Variants in MSRB3 observed in about 807,000 individuals in gnomAD.
MSRB3 encodes the protein methionine sulfoxide reductase B3.
MSRB3 carries 13 observed loss-of-function variants against 21.0 expected under a neutral mutation model. The observed-to-expected ratio is 0.62, with a 90% CI of 0.40 to 0.98. The LOEUF (loss-of-function observed/expected upper bound fraction) is 0.98, where lower values mean the gene tolerates loss of function less well. Among genes scored for constraint, MSRB3 ranks in the 50% least tolerant of loss-of-function variants. The pLI, the probability that MSRB3 is intolerant of heterozygous loss-of-function variation, is 0.00. For synonymous variants in MSRB3, 87 were observed against 88.6 expected, an observed-to-expected ratio of 0.98 and a Z score of 0.10; for missense variants, 199 against 230.3, an observed-to-expected ratio of 0.86 and a Z score of 0.88.
rs1422217820 is a variant in MSRB3 at position 65,376,149 on chromosome 12, T to TC, written c.292+7124dup. Among the ~76,000 whole-genome samples, 7 of 146,976 alleles carry TC rather than the reference T, an allele frequency of 4.8e-5. No individual in the cohort carries two copies. The East Asian group carries it at 1.4e-3, about 30-fold the overall frequency. On this transcript the variant is annotated intron_variant, in intron 5 of 6. Transcript: ENST00000308259. ...TTTTTTTTTTTTTTGAGACGGAGTC[T>TC]CGCTCTTTCGCCCAGGCCAGAGTGC... is the stretch of plus-strand genomic sequence containing the variant.
chr12:65,331,227 G>A (rs1025417013), intron 4 of MSRB3, among the ~76,000 whole-genome samples: 3 of 152,186 alleles, frequency 2.0e-5, no homozygotes, highest in Non-Finnish European at 4.4e-5. Flanking sequence ...TCAGGACACA[G>A]AATACACAGT....
chr12:65,448,500 A>G (rs559036964), intron 5 of MSRB3, among the ~76,000 whole-genome samples: 3 of 152,336 alleles, frequency 2.0e-5, no homozygotes, highest in Admixed American at 6.5e-5. Context: ...TTAATCTTTC[A>G]TAAGAAGAAA....
intron 5 of MSRB3, among the ~76,000 whole-genome samples, chr12:65,424,571 G>T (rs905972549): frequency 2.6e-5 from 4 of 151,862 alleles, no homozygotes; most frequent in Non-Finnish European, 5.9e-5. Flanking sequence ...TTGACCTTTT[G>T]GTTGTTTAAG....
chr12:65,428,270 AG>A (rs1328711099), intron 5 of MSRB3, among the ~76,000 whole-genome samples: 2 of 152,080 alleles, frequency 1.3e-5, no homozygotes, highest in Non-Finnish European at 2.9e-5. Context: ...CTGGCATCTC[AG>A]GTATACTGAT....
At chr12:65,429,261 A>AGG (rs1385677705) in intron 5 of MSRB3, among the ~76,000 whole-genome samples, 3 of 152,292 alleles carry the variant, frequency 2.0e-5, no homozygotes, top group East Asian at 1.9e-4. Flanking sequence ...TGGTAGGTGG[A>AGG]GGGAGACGCT....
chr12:65,295,977 T>C (rs1485698322), intron 1 of MSRB3, among the ~76,000 whole-genome samples: 4 of 152,190 alleles, frequency 2.6e-5, no homozygotes, highest in Non-Finnish European at 5.9e-5. Flanking sequence ...TTGGCAGTTT[T>C]AGTTGAATTG....
At chr12:65,359,353 G>T (rs1286194230) in intron 4 of MSRB3, among the ~76,000 whole-genome samples, 1 of 151,914 alleles carries the variant, frequency 6.6e-6, no homozygotes, top group African/African-American at 2.4e-5. Flanking sequence ...ATTGTGTCTA[G>T]AACTAGCCCG....
At chr12:65,414,346 G>C (rs7316273) in intron 5 of MSRB3, among the ~76,000 whole-genome samples, 83,686 of 151,902 alleles carry the variant, frequency 0.55, 23,304 homozygotes, top group Non-Finnish European at 0.62. Context: ...TTTCCAGATA[G>C]ACAGTCATGC....
rs536801695 is a variant in MSRB3 at position 65,381,480 on chromosome 12, T to C, written c.292+12454T>C. Among the ~76,000 whole-genome samples, 513 of 152,252 alleles carry C rather than the reference T, an allele frequency of 3.4e-3. 1 individual carries two copies. The highest frequency in any genetic ancestry group is 0.011 in the African/African-American group (473 of 41,570). On this transcript the variant is annotated intron_variant, in intron 5 of 6. Transcript: ENST00000308259. Reference sequence around the variant, plus strand: ...ACATTACTTGGTTGCAGGCTTAAGATTTTTAACATCTTGCTCCAGTATGAA... The same window carrying C: ...ACATTACTTGGTTGCAGGCTTAAGACTTTTAACATCTTGCTCCAGTATGAA...
At chr12:65,416,491 GC>G (rs1400559497) in intron 5 of MSRB3, among the ~76,000 whole-genome samples, 1 of 152,208 alleles carries the variant, frequency 6.6e-6, no homozygotes, top group African/African-American at 2.4e-5. Context: ...ACATTGGAGA[GC>G]ATATACAAAC....
chr12:65,450,530 G>A (rs1882810801), intron 5 of MSRB3, among the ~76,000 whole-genome samples: 1 of 152,078 alleles, frequency 6.6e-6, no homozygotes, highest in Non-Finnish European at 1.5e-5. Flanking sequence ...ATTGGGGGTG[G>A]GGTGAACTGA....
intron 2 of MSRB3, chr12:65,309,135 CT>C (rs1873833283): frequency 5.5e-6 from 1 of 182,190 alleles, no homozygotes; most frequent in African/African-American, 2.4e-5. Flanking sequence ...AAAGAAAGTT[CT>C]ACTTAACAAT....
intron 4 of MSRB3, among the ~76,000 whole-genome samples, chr12:65,366,120 C>T (rs1279962279): frequency 6.6e-6 from 1 of 152,162 alleles, no homozygotes; most frequent in African/African-American, 2.4e-5. Flanking sequence ...GTGCTCTCAG[C>T]CACTCACCCT....
At chr12:65,345,897 A>G (rs1000410218) in intron 4 of MSRB3, among the ~76,000 whole-genome samples, 1 of 152,078 alleles carries the variant, frequency 6.6e-6, no homozygotes, top group Non-Finnish European at 1.5e-5. Flanking sequence ...CCACGTCCCT[A>G]CAAAGGACGT....
At chr12:65,347,192 C>T (rs935670341) in intron 4 of MSRB3, among the ~76,000 whole-genome samples, 3 of 152,230 alleles carry the variant, frequency 2.0e-5, no homozygotes, top group South Asian at 2.1e-4. Flanking sequence ...GGCATTTTCA[C>T]GATATTGATT....
chr12:65,453,013 CAA>C (rs964064606), intron 5 of MSRB3, among the ~76,000 whole-genome samples: 22 of 152,254 alleles, frequency 1.4e-4, no homozygotes, highest in African/African-American at 5.3e-4. Context: ...CATTTACCAT[CAA>C]GTTTCTTAAA....
chr12:65,288,813 T>A (rs191712074), intron 1 of MSRB3, among the ~76,000 whole-genome samples: 256 of 152,118 alleles, frequency 1.7e-3, no homozygotes, highest in African/African-American at 5.3e-3. Flanking sequence ...GTCTTATTTT[T>A]AAAAAAAACT....
At chr12:65,361,428 G>A (rs1229541449) in intron 4 of MSRB3, among the ~76,000 whole-genome samples, 1 of 152,116 alleles carries the variant, frequency 6.6e-6, no homozygotes, top group Admixed American at 6.6e-5. Flanking sequence ...ATATGGACAA[G>A]AAATAGACCT....
chr12:65,367,190 T>C (rs1353257363), intron 4 of MSRB3, among the ~76,000 whole-genome samples: 1 of 152,192 alleles, frequency 6.6e-6, no homozygotes, highest in African/African-American at 2.4e-5. Context: ...AGTCTATACA[T>C]CTTTTTTACA....
Sources: gnomAD v4.1 joint callset for allele counts (sites outside exome capture counted in the v4.1 genomes callset) on GRCh38, gnomAD v4.1.1 for gene constraint, MANE v1.5 for transcripts, NCBI Gene and HGNC (gene_info 2026-07-23, HGNC 2026-07-21) for gene names.